PCDH9: variants seen among roughly 807,000 people sequenced by gnomAD.
The protein encoded by PCDH9 is protocadherin 9, also known as protocadherin-9.
In PCDH9, 24 loss-of-function variants were observed where a neutral mutation model predicts 70.6. The observed-to-expected ratio is 0.34, with a 90% confidence interval of 0.25 to 0.48. The LOEUF (loss-of-function observed/expected upper bound fraction) is 0.48, where lower values mean the gene tolerates loss of function less well. PCDH9 is among the 20% of genes least tolerant of loss of function. The probability of loss-of-function intolerance (pLI) is 0.99; values close to 1 mark genes in which losing one functional copy is unlikely to be tolerated. For synonymous variants in PCDH9, 562 were observed against 558.5 expected, an observed-to-expected ratio of 1.01 and a Z score of -0.09; for missense variants, 1,281 against 1,503.6, an observed-to-expected ratio of 0.85 and a Z score of 2.45.
chr13:66,976,784 G>A (rs2083629044), intron 2 of PCDH9, among the ~76,000 whole-genome samples: 1 of 152,030 alleles, frequency 6.6e-6, no homozygotes, highest in African/African-American at 2.4e-5. Flanking sequence ...CTGTAATCAA[G>A]TAAGAAAAAT....
At chr13:66,467,924 T>C (rs1958547206) in intron 4 of PCDH9, among the ~76,000 whole-genome samples, 1 of 152,128 alleles carries the variant, frequency 6.6e-6, no homozygotes, top group East Asian at 1.9e-4. Flanking sequence ...TCTATGTTAG[T>C]AATGATTTTC....
intron 4 of PCDH9, among the ~76,000 whole-genome samples, chr13:66,588,084 A>G (rs1023543445): frequency 3.3e-5 from 5 of 152,010 alleles, no homozygotes; most frequent in African/African-American, 9.7e-5. Context: ...CTTTACAATA[A>G]CTTTGTAAAA....
At chr13:66,939,424 A>ATGTGTGTGTGTGTGTGTGTGTGTG (rs57997772) in intron 2 of PCDH9, among the ~76,000 whole-genome samples, 3 of 148,028 alleles carry the variant, frequency 2.0e-5, no homozygotes, top group African/African-American at 7.5e-5. Context: ...TTTAAAATAT[A>ATGTGTGTGTGTGTGTGTGTGTGTG]TGTGTGTGTG....
chr13:67,161,858 A>T (rs1415819172), intron 2 of PCDH9, among the ~76,000 whole-genome samples: 1 of 152,206 alleles, frequency 6.6e-6, no homozygotes, highest in Non-Finnish European at 1.5e-5. Flanking sequence ...TTATAATAGT[A>T]GCAACGACAC....
intron 4 of PCDH9, among the ~76,000 whole-genome samples, chr13:66,585,364 C>CA (rs57243754): frequency 5.9e-5 from 9 of 151,916 alleles, no homozygotes; most frequent in Admixed American, 2.0e-4. Flanking sequence ...CCATCCCCCC[C>CA]AAAAAATCTG....
At chr13:66,717,197 T>C (rs983305452) in intron 3 of PCDH9, among the ~76,000 whole-genome samples, 3 of 151,902 alleles carry the variant, frequency 2.0e-5, no homozygotes, top group Non-Finnish European at 4.4e-5. Context: ...GGCTCACGCC[T>C]GTAACTGCAG....
At chr13:66,898,350 GA>G (rs1318035750) in intron 3 of PCDH9, among the ~76,000 whole-genome samples, 1 of 151,688 alleles carries the variant, frequency 6.6e-6, no homozygotes. Context: ...TATGAAGAAA[GA>G]AAAAATTTAG....
intron 4 of PCDH9, among the ~76,000 whole-genome samples, chr13:66,364,737 T>C (rs185498785): frequency 3.0e-4 from 45 of 152,254 alleles, no homozygotes; most frequent in Admixed American, 2.0e-3. Context: ...AAAGAAAACC[T>C]TGGAGAGAAC....
chr13:66,584,186 A>G (rs967809301), intron 4 of PCDH9, among the ~76,000 whole-genome samples: 3 of 152,170 alleles, frequency 2.0e-5, no homozygotes, highest in Admixed American at 2.0e-4. Context: ...TTCGGTTATT[A>G]GATACAGTAG....
At chr13:67,084,966 CAAAAAAAAAAAAAAAAA>C (rs1158690945) in intron 2 of PCDH9, among the ~76,000 whole-genome samples, 4 of 41,464 alleles carry the variant, frequency 9.6e-5, no homozygotes, top group African/African-American at 2.0e-4. Context: ...GATGCTGTCT[CAAAAAAAAAAAAAAAAA>C]AAAAAAAAAA....
intron 4 of PCDH9, among the ~76,000 whole-genome samples, chr13:66,356,096 CTG>C (rs933297669): frequency 3.3e-5 from 5 of 152,062 alleles, no homozygotes; most frequent in East Asian, 3.8e-4. Flanking sequence ...ATTGGAATAA[CTG>C]TGTACTATGC....
chr13:66,969,075 C>G (rs1319836730), intron 2 of PCDH9, among the ~76,000 whole-genome samples: 1 of 152,018 alleles, frequency 6.6e-6, no homozygotes, highest in Non-Finnish European at 1.5e-5. Context: ...GCCATACTGG[C>G]ATTGCTAATT....
At chr13:66,527,467 A>G (rs1960266875) in intron 4 of PCDH9, among the ~76,000 whole-genome samples, 1 of 152,086 alleles carries the variant, frequency 6.6e-6, no homozygotes, top group Non-Finnish European at 1.5e-5. Flanking sequence ...TAATTTCTAT[A>G]AAACAGGTAA....
chr13:66,514,014 C>A (rs566572476), intron 4 of PCDH9, among the ~76,000 whole-genome samples: 1 of 152,138 alleles, frequency 6.6e-6, no homozygotes, highest in South Asian at 2.1e-4. Flanking sequence ...TGGGTGAATT[C>A]TGTTTTGTGA....
At chr13:66,317,421 A>T (rs1002579062) in intron 4 of PCDH9, among the ~76,000 whole-genome samples, 10 of 152,334 alleles carry the variant, frequency 6.6e-5, no homozygotes, top group Admixed American at 5.9e-4. Context: ...AACAAAGGCA[A>T]AATAGCTGCA....
At chr13:66,997,736 T>C (rs1392694600) in intron 2 of PCDH9, among the ~76,000 whole-genome samples, 3 of 152,142 alleles carry the variant, frequency 2.0e-5, no homozygotes, top group African/African-American at 7.2e-5. Context: ...GGTTTCACCA[T>C]GTTGGCCAGG....
chr13:66,829,602 A>C (rs937669259), intron 3 of PCDH9, among the ~76,000 whole-genome samples: 8 of 151,752 alleles, frequency 5.3e-5, no homozygotes, highest in Non-Finnish European at 1.2e-4. Context: ...TGACATTACG[A>C]AAAGTAAAAT....
intron 4 of PCDH9, among the ~76,000 whole-genome samples, chr13:66,330,098 A>G (rs1032159959): frequency 9.9e-5 from 15 of 152,224 alleles, no homozygotes; most frequent in Non-Finnish European, 1.2e-4. Flanking sequence ...GCTGAGAAAC[A>G]TTGCACTCCA....
At chr13:67,060,277 G>A (rs2085513417) in intron 2 of PCDH9, among the ~76,000 whole-genome samples, 1 of 151,930 alleles carries the variant, frequency 6.6e-6, no homozygotes, top group African/African-American at 2.4e-5. Context: ...GCCACCCTGT[G>A]CTCTATGCAT....
Sources: allele counts gnomAD v4.1 joint callset (sites outside exome capture counted in the v4.1 genomes callset), GRCh38; gene constraint gnomAD v4.1.1; transcripts MANE v1.5; gene names NCBI Gene and HGNC (gene_info 2026-07-23, HGNC 2026-07-21).